CELF5: variants seen among roughly 807,000 people sequenced by gnomAD.
CELF5 encodes the protein CUGBP Elav-like family member 5.
CELF5 carries 6 observed loss-of-function variants against 54.9 expected under a neutral mutation model. The ratio of observed to expected loss-of-function variants is 0.11; its 90% CI spans 0.06 to 0.22. The LOEUF (loss-of-function observed/expected upper bound fraction) is 0.22, where lower values mean the gene tolerates loss of function less well. CELF5 is among the 10% of genes least tolerant of loss of function. The probability of loss-of-function intolerance (pLI) is 1.00; values close to 1 mark genes in which losing one functional copy is unlikely to be tolerated. For synonymous variants in CELF5, 271 were observed against 290.9 expected (o/e 0.93, Z 0.70); for missense variants, 401 against 678.6 (o/e 0.59, Z 4.54).
intron 9 of CELF5, 66 bp from the exon 10 acceptor site, chr19:3,285,874 CAG>C: frequency 9.9e-6 from 12 of 1,215,522 alleles, no homozygotes; most frequent in South Asian, 3.4e-5. Flanking sequence ...CCTCCCCGCC[CAG>C]CGGCCCAGGC....
At chr19:3,238,682 A>G (rs1405507409) in intron 1 of CELF5, among the ~76,000 whole-genome samples, 1 of 152,186 alleles carries the variant, frequency 6.6e-6, no homozygotes, top group Admixed American at 6.5e-5. Flanking sequence ...CTGTAATCCC[A>G]GCACTTTGGG....
chr19:3,287,141 C>T (rs569883558), intron 10 of CELF5, among the ~76,000 whole-genome samples: 9 of 151,620 alleles, frequency 5.9e-5, no homozygotes, highest in East Asian at 1.9e-4. Context: ...TGGAGCTGCA[C>T]GATGGAACAC....
At chr19:3,265,816 CT>C (rs901635307) in intron 2 of CELF5, among the ~76,000 whole-genome samples, 1 of 151,574 alleles carries the variant, frequency 6.6e-6, no homozygotes. Context: ...TTTTTTCTTT[CT>C]TTTTTTTGAG....
intron 2 of CELF5, among the ~76,000 whole-genome samples, chr19:3,264,939 T>TC (rs377393453): frequency 6.6e-4 from 100 of 151,450 alleles, no homozygotes; most frequent in African/African-American, 2.2e-3. Context: ...GGTCTCAAAC[T>TC]CTGACCTCAA....
At chr19:3,264,845 C>G (rs1466966633) in intron 2 of CELF5, among the ~76,000 whole-genome samples, 3 of 151,986 alleles carry the variant, frequency 2.0e-5, no homozygotes, top group Non-Finnish European at 2.9e-5. Flanking sequence ...TCCCAAGTAG[C>G]TGGGATTATA....
chr19:3,230,854 C>T (rs986057933), intron 1 of CELF5, among the ~76,000 whole-genome samples: 1 of 152,188 alleles, frequency 6.6e-6, no homozygotes, highest in African/African-American at 2.4e-5. Flanking sequence ...GTTCCGATTA[C>T]ATTGGCTCTT....
chr19:3,262,844 C>G (rs2079824018), intron 2 of CELF5, among the ~76,000 whole-genome samples: 1 of 151,954 alleles, frequency 6.6e-6, no homozygotes, highest in Admixed American at 6.6e-5. Context: ...GAGGCTGAGA[C>G]AGGAGAATCA....
chr19:3,266,800 T>C (rs1337953469), intron 2 of CELF5, among the ~76,000 whole-genome samples: 1 of 151,150 alleles, frequency 6.6e-6, no homozygotes, highest in Non-Finnish European at 1.5e-5. Context: ...GAGGGGCGGA[T>C]GGGGGCTGCT....
intron 1 of CELF5, among the ~76,000 whole-genome samples, chr19:3,237,141 T>C (rs1432096785): frequency 6.7e-6 from 1 of 150,340 alleles, no homozygotes; most frequent in Non-Finnish European, 1.5e-5. Context: ...TGAAACCCCA[T>C]CTCTACTAAA....
chr19:3,243,513 C>T (rs983050037), intron 1 of CELF5, among the ~76,000 whole-genome samples: 8 of 152,130 alleles, frequency 5.3e-5, no homozygotes, highest in African/African-American at 9.7e-5. Context: ...AACTCCTGGG[C>T]TCAAGCAATC....
At chr19:3,283,965 G>C (rs1453763947) in intron 8 of CELF5, among the ~76,000 whole-genome samples, 1 of 151,858 alleles carries the variant, frequency 6.6e-6, no homozygotes, top group Non-Finnish European at 1.5e-5. Flanking sequence ...AGCCTCCCAA[G>C]TCACTGGGAC....
At chr19:3,246,449 A>G (rs2079568623) in intron 1 of CELF5, among the ~76,000 whole-genome samples, 1 of 151,952 alleles carries the variant, frequency 6.6e-6, no homozygotes, top group South Asian at 2.1e-4. Context: ...TATGCCTATA[A>G]TCCCAGCACT....
intron 10 of CELF5, 148 bp from the exon 11 acceptor site, chr19:3,290,083 G>T: frequency 1.6e-6 from 1 of 613,862 alleles, no homozygotes; most frequent in Non-Finnish European, 2.9e-6. Flanking sequence ...CCCAGCCCGT[G>T]GCCAGGCCCC....
chr19:3,226,015 C>T (rs913950586), intron 1 of CELF5, among the ~76,000 whole-genome samples: 4 of 152,140 alleles, frequency 2.6e-5, no homozygotes, highest in African/African-American at 9.7e-5. Context: ...TATCCCCAGC[C>T]CTTGGTTCCC....
intron 2 of CELF5, among the ~76,000 whole-genome samples, chr19:3,256,312 G>A (rs1359874014): frequency 1.3e-5 from 2 of 151,928 alleles, no homozygotes; most frequent in African/African-American, 2.4e-5. Flanking sequence ...CAGGGCTGGG[G>A]GTGTCTGTGT....
chr19:3,277,812 T>G (rs905180594), intron 4 of CELF5, among the ~76,000 whole-genome samples: 26 of 152,170 alleles, frequency 1.7e-4, no homozygotes, highest in Non-Finnish European at 2.4e-4. Flanking sequence ...ACTGTGGCTG[T>G]CTGTCTGTGT....
At chr19:3,266,390 T>G (rs2079882388) in intron 2 of CELF5, among the ~76,000 whole-genome samples, 1 of 150,844 alleles carries the variant, frequency 6.6e-6, no homozygotes, top group Admixed American at 6.6e-5. Flanking sequence ...ACCACTGCAC[T>G]GCAGCCTGGG....
chr19:3,232,037 G>A (rs559844235), intron 1 of CELF5, among the ~76,000 whole-genome samples: 3 of 151,984 alleles, frequency 2.0e-5, no homozygotes, highest in Non-Finnish European at 4.4e-5. Context: ...ACTGAAGGAT[G>A]GAAGGATGCT....
intron 2 of CELF5, among the ~76,000 whole-genome samples, chr19:3,267,827 G>T (rs1222554454): frequency 6.6e-6 from 1 of 151,956 alleles, no homozygotes; most frequent in African/African-American, 2.4e-5. Flanking sequence ...GTGGTCCCCT[G>T]GCAGGACCCC....
Sources: gnomAD v4.1 joint callset for allele counts (sites outside exome capture counted in the v4.1 genomes callset) on GRCh38, gnomAD v4.1.1 for gene constraint, MANE v1.5 for transcripts, NCBI Gene and HGNC (gene_info 2026-07-23, HGNC 2026-07-21) for gene names.